The following NT5C2 variants were observed in gnomAD, a reference collection of about 807,000 sequenced individuals.
The protein encoded by NT5C2 is cytosolic purine 5'-nucleotidase.
A neutral mutation model predicts 76.1 loss-of-function variants in NT5C2; 58 were observed. That is an observed-to-expected ratio of 0.76 (90% CI 0.62 to 0.95). The LOEUF (loss-of-function observed/expected upper bound fraction) is 0.95. Ranked by LOEUF, NT5C2 falls within the 40% of genes least tolerant of loss-of-function variation. NT5C2 has a pLI of 0.00. For synonymous variants in NT5C2, 229 were observed against 237.4 expected, an observed-to-expected ratio of 0.96 and a Z score of 0.32; for missense variants, 478 against 690.3, an observed-to-expected ratio of 0.69 and a Z score of 3.45.
chr10:103,183,950 T>G lies in NT5C2; in HGVS notation c.-168-2622A>C, dbSNP rs181048010. 3.2e-3 allele frequency among the ~76,000 whole-genome samples: 486 copies of G among 152,204 alleles called. 2 individuals are homozygous for G. The highest frequency in any genetic ancestry group is 6.0e-3 in the Admixed American group (91 of 15,284). On this transcript the variant is annotated intron_variant, in intron 1 of 18. Transcript: ENST00000404739. ...ATAGTTCATGATAAGTTTTTGGTTT[T>G]TTTTTTTTTTAGTTTTTTTGAGACA...
At chr10:103,114,963 T>C (rs544246934) in intron 4 of NT5C2, among the ~76,000 whole-genome samples, 2 of 152,356 alleles carry the variant, frequency 1.3e-5, no homozygotes, top group South Asian at 4.1e-4. Context: ...TACAACTTAA[T>C]TCCATTATCA....
At chr10:103,179,271 C>T (rs1263019492) in intron 2 of NT5C2, among the ~76,000 whole-genome samples, 2 of 152,052 alleles carry the variant, frequency 1.3e-5, no homozygotes, top group Non-Finnish European at 2.9e-5. Context: ...AATAAACTTG[C>T]TTTCACTTTA....
chr10:103,116,381 TATTTTAAATAGCAG>T (rs1687518283), intron 4 of NT5C2, among the ~76,000 whole-genome samples: 1 of 152,190 alleles, frequency 6.6e-6, no homozygotes, highest in African/African-American at 2.4e-5. Flanking sequence ...TTTCATAAAA[TATTTTAAATAGCAG>T]AAGTGTACAC....
At chr10:103,094,112 A>AAC in intron 13 of NT5C2, 74 bp from the exon 14 acceptor site, 2 of 710,858 alleles carry the variant, frequency 2.8e-6, no homozygotes, top group Non-Finnish European at 4.0e-6. Flanking sequence ...CAACCCTCCC[A>AAC]TCCCACCCCC....
At chr10:103,188,340 A>G (rs2092296972) in intron 1 of NT5C2, among the ~76,000 whole-genome samples, 2 of 152,342 alleles carry the variant, frequency 1.3e-5, no homozygotes, top group Non-Finnish European at 1.5e-5. Context: ...CCCAGGCGAC[A>G]GTGCAAAAAT....
intron 3 of NT5C2, among the ~76,000 whole-genome samples, chr10:103,154,090 G>A (rs374142121): frequency 1.3e-5 from 2 of 152,076 alleles, no homozygotes; most frequent in Non-Finnish European, 2.9e-5. Flanking sequence ...TGAAAAAAAA[G>A]AATCTGTAAC....
intron 4 of NT5C2, 75 bp from the exon 5 acceptor site, chr10:103,106,781 CT>C (rs2071394532): frequency 2.2e-6 from 2 of 921,866 alleles, no homozygotes; most frequent in Admixed American, 3.7e-5. Context: ...GAATGAATTT[CT>C]GCTCTTTCCC....
intron 1 of NT5C2, among the ~76,000 whole-genome samples, chr10:103,190,604 C>G (rs2092563632): frequency 6.6e-6 from 1 of 152,124 alleles, no homozygotes; most frequent in Non-Finnish European, 1.5e-5. Flanking sequence ...ACTGAGTGAG[C>G]TTGTCTAAGG....
chr10:103,105,501 A>G (rs1030707940), intron 6 of NT5C2: 2 of 534,934 alleles, frequency 3.7e-6, no homozygotes, highest in Non-Finnish European at 6.4e-6. Flanking sequence ...GAAGGCACTT[A>G]ATTTAAACAA....
Position 103,095,941 on chromosome 10 carries a change from T to A in NT5C2, c.811A>T (p.Lys271Ter). The A allele has an allele frequency of 6.2e-7, 1 of 1,612,884 alleles. No homozygotes were observed. The highest frequency in any genetic ancestry group is 1.7e-4 in the Middle Eastern group (1 of 6,058). The change falls in exon 12 of 19, where the codon AAG becomes TAG. Residue 271 changes from lysine (K) to a stop codon, truncating the protein, a stop_gained and splice_region_variant. Coordinates refer to ENST00000404739, the MANE Select transcript of NT5C2 (RefSeq NM_001351169.2). LOFTEE classifies it high-confidence loss of function. ...TYLFDFPHGP[K>*]PGSSHRPWQS... ...GTCTATTGAGTCACATACGGTACCT[T>A]GGGGCCATGTGGGAAGTCAAACAGG...
intron 3 of NT5C2, among the ~76,000 whole-genome samples, chr10:103,146,959 T>G (rs1281359727): frequency 6.6e-6 from 1 of 152,252 alleles, no homozygotes; most frequent in Non-Finnish European, 1.5e-5. Flanking sequence ...ACAGAAATTT[T>G]AAGTATTTAG....
chr10:103,129,619 A>G (rs1351388035), intron 4 of NT5C2, among the ~76,000 whole-genome samples: 5 of 42,620 alleles, frequency 1.2e-4, no homozygotes, highest in Non-Finnish European at 1.4e-4. Flanking sequence ...TCCGGGAGGG[A>G]GGTGGGGGGG....
At chr10:103,175,785 G>C (rs1205901694) in intron 2 of NT5C2, 1 of 237,640 alleles carries the variant, frequency 4.2e-6, no homozygotes, top group Non-Finnish European at 8.2e-6. Flanking sequence ...AGGCCAAGGG[G>C]GCAGTCTCCC....
chr10:103,091,801 C>CA (rs2066976574), intron 15 of NT5C2, among the ~76,000 whole-genome samples, 186 bp from the exon 16 acceptor site: 1 of 152,182 alleles, frequency 6.6e-6, no homozygotes, highest in African/African-American at 2.4e-5. Flanking sequence ...TGGAGTCTGA[C>CA]AACAGATGAA....
At chr10:103,153,872 A>C (rs2082827205) in intron 3 of NT5C2, 1 of 776,600 alleles carries the variant, frequency 1.3e-6, no homozygotes, top group African/African-American at 1.9e-5. Flanking sequence ...ATATTACAGG[A>C]GGAACCTAAA....
intron 4 of NT5C2, among the ~76,000 whole-genome samples, chr10:103,123,971 T>C (rs907351518): frequency 6.6e-6 from 1 of 152,168 alleles, no homozygotes; most frequent in Admixed American, 6.5e-5. Context: ...TAAATAAATA[T>C]TAACAACTCA....
chr10:103,149,377 C>T (rs560062249), intron 3 of NT5C2, among the ~76,000 whole-genome samples: 2 of 152,252 alleles, frequency 1.3e-5, no homozygotes, highest in Admixed American at 6.5e-5. Context: ...AAGGAAAAGA[C>T]ATTAAAATTC....
At chr10:103,101,627 A>G (rs1312861730) in intron 6 of NT5C2, among the ~76,000 whole-genome samples, 1 of 151,904 alleles carries the variant, frequency 6.6e-6, no homozygotes, top group African/African-American at 2.4e-5. Context: ...CTGGGATTAC[A>G]GGTGTGATGT....
intron 3 of NT5C2, 71 bp from the exon 4 acceptor site, chr10:103,139,550 G>A: frequency 9.2e-7 from 1 of 1,088,524 alleles, no homozygotes; most frequent in Non-Finnish European, 1.3e-6. Flanking sequence ...AAGTTATTTG[G>A]CTATTTTTCT....
Sources: allele counts gnomAD v4.1 joint callset (sites outside exome capture counted in the v4.1 genomes callset), GRCh38; gene constraint gnomAD v4.1.1; transcripts MANE v1.5; gene names NCBI Gene and HGNC (gene_info 2026-07-23, HGNC 2026-07-21).